CCDC43: variants seen among roughly 807,000 people sequenced by gnomAD.
CCDC43 encodes the protein coiled-coil domain containing 43, also known as coiled-coil domain-containing protein 43.
A neutral mutation model predicts 33.3 loss-of-function variants in CCDC43; 20 were observed. The observed-to-expected ratio is 0.60, with a 90% confidence interval of 0.42 to 0.87. The LOEUF (loss-of-function observed/expected upper bound fraction) is 0.87. Ranked by LOEUF, CCDC43 falls within the 40% of genes least tolerant of loss-of-function variation. The pLI, the probability that CCDC43 is intolerant of heterozygous loss-of-function variation, is 0.00. For synonymous variants in CCDC43, 104 were observed against 106.5 expected (o/e 0.98, Z 0.14); for missense variants, 248 against 269.9 (o/e 0.92, Z 0.57).
intron 1 of CCDC43, among the ~76,000 whole-genome samples, chr17:44,686,473 C>T (rs1024168919): frequency 6.6e-6 from 1 of 152,124 alleles, no homozygotes; most frequent in African/African-American, 2.4e-5. Context: ...TAAAATCCCC[C>T]ACCAAAAGAA....
intron 4 of CCDC43, among the ~76,000 whole-genome samples, chr17:44,680,264 A>G (rs946387308): frequency 1.3e-5 from 2 of 152,176 alleles, no homozygotes; most frequent in African/African-American, 4.8e-5. Flanking sequence ...CCAGGACTAC[A>G]GGTGTAAGCC....
chr17:44,689,605 T>G lies in CCDC43; in HGVS notation c.149A>C (p.Glu50Ala). ...GTCCAGCTTCTCTTCTTCCTCCTCC[T>G]CCTGCAGGATACCCAAGATGTAGGC... ...YGAYILGILQEEEEEEKLDAL... is the reference protein window; with the variant it reads ...YGAYILGILQAEEEEEKLDAL... Residue 50 changes from glutamate (E) to alanine (A), a missense_variant, in exon 1 of 5, where the codon GAG (glutamate) becomes GCG (alanine). By Grantham distance (107) the Glu-to-Ala change is moderately radical (BLOSUM62 -1). Transcript: ENST00000315286. 2 of 1,613,932 alleles carry G rather than the reference T, an allele frequency of 1.2e-6. No homozygotes were observed. The highest frequency in any genetic ancestry group is 1.7e-6 in the Non-Finnish European group (2 of 1,179,862).
chr17:44,683,817 A>G, intron 2 of CCDC43, 55 bp downstream of exon 2: 1 of 1,204,346 alleles, frequency 8.3e-7, no homozygotes, highest in South Asian at 1.2e-5. Flanking sequence ...ACAGCTATAC[A>G]GTCAAGGCTG....
intron 1 of CCDC43, among the ~76,000 whole-genome samples, chr17:44,684,768 A>C (rs912173072): frequency 2.0e-5 from 3 of 151,968 alleles, no homozygotes; most frequent in East Asian, 3.8e-4. Context: ...TATACAATGC[A>C]TTATTATTTA....
Position 44,678,791 on chromosome 17 carries a change from C to T in CCDC43, c.*65G>A. 1 of 1,490,534 alleles carries T rather than the reference C, an allele frequency of 6.7e-7. No homozygotes were observed. The highest frequency in any genetic ancestry group is 1.3e-5 in the South Asian group (1 of 75,336). The allele number at this position is 1,490,534 out of a possible 1,614,324, so 92.3% of individuals were successfully genotyped here. On this transcript the variant is annotated 3_prime_UTR_variant, in exon 5 of 5. Transcript: ENST00000315286. ...TACTTTGCAATGCACTCTCATTTCTCTTAAATACACAACCAGTTCTCCCTT... is the reference window on the plus strand; with the variant it reads ...TACTTTGCAATGCACTCTCATTTCTTTTAAATACACAACCAGTTCTCCCTT...
In CCDC43 at chr17:44,681,993, G is replaced by A. The variant is rs529216379; in HGVS notation, c.428+10C>T. ...TTTAGGGAATGGTGCCGAGACTCCA[G>A]AAAGGATATTCCTCTTCATCTGTCA... On this transcript the variant is annotated intron_variant, in intron 3 of 4. Coordinates refer to ENST00000315286, the MANE Select transcript of CCDC43 (RefSeq NM_144609.3). 26 of 1,613,932 alleles carry A rather than the reference G, an allele frequency of 1.6e-5. No individual in the cohort carries two copies. Among genetic ancestry groups the A allele is most frequent in the Non-Finnish European group, 2.2e-5 (26 of 1,179,860 alleles).
chr17:44,682,090 A>G lies in CCDC43; in HGVS notation c.341T>C (p.Val114Ala), dbSNP rs776734444. The change falls in exon 3 of 5, where the codon GTA (valine) becomes GCA (alanine). Residue 114 changes from valine (V) to alanine (A), a missense_variant. By Grantham distance (64) the Val-to-Ala change is moderately conservative. Coordinates refer to ENST00000315286, the MANE Select transcript of CCDC43 (RefSeq NM_144609.3). ...TTCTGACACCATCCTTGGCTTTACTACGATTTGTGCCTGCTTCTCAATTAG... is the reference window on the plus strand; with the variant it reads ...TTCTGACACCATCCTTGGCTTTACTGCGATTTGTGCCTGCTTCTCAATTAG... ...ATLIEKQAQI[V>A]VKPRMVSEEE... 2 of 1,613,958 alleles carry G rather than the reference A, an allele frequency of 1.2e-6. No homozygotes were observed. The highest frequency in any genetic ancestry group is 1.3e-5 in the African/African-American group (1 of 75,020).
chr17:44,687,280 T>C (rs1401058077), intron 1 of CCDC43, among the ~76,000 whole-genome samples: 1 of 151,966 alleles, frequency 6.6e-6, no homozygotes, highest in African/African-American at 2.4e-5. Flanking sequence ...CCATCTCTAC[T>C]AAAAATATAA....
chr17:44,684,940 C>G (rs2043231125), intron 1 of CCDC43, among the ~76,000 whole-genome samples: 1 of 151,958 alleles, frequency 6.6e-6, no homozygotes, highest in African/African-American at 2.4e-5. Context: ...ACTACCACAC[C>G]TGGCTAATTG....
intron 2 of CCDC43, 74 bp downstream of exon 2, chr17:44,683,798 C>G: frequency 9.9e-7 from 1 of 1,005,666 alleles, no homozygotes; most frequent in Non-Finnish European, 1.6e-6. Flanking sequence ...ATGAAAAGAT[C>G]TCTTCCTAAC....
Position 44,689,694 on chromosome 17 carries a change from G to GCCGCCT in CCDC43, c.54_59dup (p.Gly20_Gly21dup), listed in dbSNP as rs758648263. ...GTCCGTCCAGCCAGGAGCCAAAGCC[G>GCCGCCT]CCGCCTCCGCCATCGCCTTCGCCAG... On this transcript the variant is annotated inframe_insertion, in exon 1 of 5. Coordinates refer to ENST00000315286, the MANE Select transcript of CCDC43 (RefSeq NM_144609.3). 1.3e-5 allele frequency: 21 copies of GCCGCCT among 1,606,034 alleles called. No individual in the cohort carries two copies. The highest frequency in any genetic ancestry group is 2.2e-5 in the South Asian group (2 of 90,080).
rs750402832 is a variant in CCDC43, at chr17:44,678,823, GT to G, written c.*32del. ...ACACAACCAGTTCTCCCTTTGATAA[GT>G]TCATGGGGGGAAAGAATAGAGTAGG... On this transcript the variant is annotated 3_prime_UTR_variant, in exon 5 of 5. Coordinates refer to ENST00000315286, the MANE Select transcript of CCDC43 (RefSeq NM_144609.3). 1 of 1,594,350 alleles carries G rather than the reference GT, an allele frequency of 6.3e-7. No individual in the cohort carries two copies. Among genetic ancestry groups the G allele is most frequent in the African/African-American group, 1.3e-5 (1 of 74,380 alleles).
rs138793092 is a variant in CCDC43 at position 44,686,116 on chromosome 17, T to C, written c.205-2157A>G. Reference sequence around the variant, plus strand: ...TTTTAGTAGAGACGGGGTTTCACCATGTTAGCCAGGATGGTTTCGATCTCC... The same window carrying C: ...TTTTAGTAGAGACGGGGTTTCACCACGTTAGCCAGGATGGTTTCGATCTCC... On this transcript the variant is annotated intron_variant, in intron 1 of 4. Coordinates refer to ENST00000315286, the MANE Select transcript of CCDC43 (RefSeq NM_144609.3). 4.2e-3 allele frequency among the ~76,000 whole-genome samples: 645 copies of C among 152,252 alleles called. 2 individuals are homozygous for C. The highest frequency in any genetic ancestry group is 7.3e-3 in the South Asian group (35 of 4,826).
At position 44,689,709 on chromosome 17, in the gene CCDC43, G is replaced by A; in HGVS notation, c.45C>T (p.Gly15=). The A allele has an allele frequency of 4.4e-6, 7 of 1,599,342 alleles. No homozygotes were observed. The highest frequency in any genetic ancestry group is 6.0e-6 in the Non-Finnish European group (7 of 1,173,608). Residue 15 remains glycine (G), a synonymous_variant, in exon 1 of 5, where the codon GGC becomes GGT. Transcript: ENST00000315286. ...AGCCAAAGCCGCCGCCTCCGCCATC[G>A]CCTTCGCCAGGGGCTATCGCGGCCA... ...SEVAAIAPGE[G]DGGGGGFGSW... is the part of the protein sequence containing the mutation.
At position 44,678,121 on chromosome 17, in the gene CCDC43, A is replaced by C. The variant is rs1972102570; in HGVS notation, c.*735T>G. On this transcript the variant is annotated 3_prime_UTR_variant, in exon 5 of 5. Transcript: ENST00000315286. The stretch of plus-strand genomic sequence containing the variant: ...CTTAATACTCATGTTTTATGGAAAA[A>C]TCAGGATTAAAATCTCTACCAGCAC... The C allele has an allele frequency of 6.6e-6, 1 of 152,616 alleles. No homozygotes were observed. The allele number at this position is 152,616 out of a possible 1,614,324, so 9.5% of individuals were successfully genotyped here. A position where few individuals can be genotyped will look rare whatever the true frequency, so the allele number is the denominator to read the frequency against.
At chr17:44,681,474 CT>C (rs1176617208) in intron 3 of CCDC43, among the ~76,000 whole-genome samples, 3 of 152,132 alleles carry the variant, frequency 2.0e-5, no homozygotes, top group African/African-American at 7.2e-5. Flanking sequence ...TTCAGCCTTA[CT>C]TTTAACTACC....
In CCDC43 at chr17:44,683,911, A is replaced by C. The variant is rs1393444807; in HGVS notation, c.253T>G (p.Ser85Ala). The stretch of plus-strand genomic sequence containing the variant: ...TTGGTGACAACATTCTGAGTTTCTG[A>C]CCATCGTTCCACAATCTCCTTGCAG... ...NICKEIVERW[S>A]ETQNVVTKVK... Residue 85 changes from serine (S) to alanine (A), a missense_variant, in exon 2 of 5, where the codon TCA becomes GCA. Physicochemically the swap from Ser to Ala is moderately conservative, Grantham distance 99. Coordinates refer to ENST00000315286, the MANE Select transcript of CCDC43 (RefSeq NM_144609.3). 1 of 1,613,468 alleles carries C rather than the reference A, an allele frequency of 6.2e-7. No homozygotes were observed.
intron 2 of CCDC43, among the ~76,000 whole-genome samples, chr17:44,682,923 A>C (rs1972183745): frequency 2.0e-5 from 3 of 152,200 alleles, no homozygotes. Flanking sequence ...TCTCAAGAAA[A>C]GGAAACAATG....
chr17:44,687,801 C>A (rs746785174), intron 1 of CCDC43: 2 of 152,178 alleles, frequency 1.3e-5, no homozygotes, highest in African/African-American at 4.8e-5. Flanking sequence ...TCCCTATAAT[C>A]TGTAATGTTG....
Sources: allele counts gnomAD v4.1 joint callset (sites outside exome capture counted in the v4.1 genomes callset), GRCh38; gene constraint gnomAD v4.1.1; transcripts MANE v1.5; gene names NCBI Gene and HGNC (gene_info 2026-07-23, HGNC 2026-07-21).